The following COL28A1 variants were observed in gnomAD, a reference collection of about 807,000 sequenced individuals.
COL28A1 encodes the protein collagen type XXVIII alpha 1 chain.
A neutral mutation model predicts 150.2 loss-of-function variants in COL28A1; 161 were observed. The observed-to-expected ratio is 1.07, with a 90% CI of 0.94 to 1.22. COL28A1 has a LOEUF of 1.22. Among genes scored for constraint, COL28A1 ranks in the 50% most tolerant of loss-of-function variants. COL28A1 has a pLI of 0.00. For synonymous variants in COL28A1, 552 were observed against 469.7 expected (o/e 1.18, Z -2.26); for missense variants, 1,617 against 1,388.3 (o/e 1.16, Z -2.62).
intron 3 of COL28A1, among the ~76,000 whole-genome samples, chr7:7,525,116 A>T (rs1033533322): frequency 6.6e-6 from 1 of 152,194 alleles, no homozygotes; most frequent in African/African-American, 2.4e-5. Flanking sequence ...AAAAACAAAA[A>T]AACAAATTTA....
intron 3 of COL28A1, among the ~76,000 whole-genome samples, chr7:7,527,149 A>G (rs902619652): frequency 6.6e-6 from 1 of 152,238 alleles, no homozygotes; most frequent in Non-Finnish European, 1.5e-5. Flanking sequence ...GCTGGAATTT[A>G]TATTTCTATG....
Position 7,515,688 on chromosome 7 carries a change from T to G in COL28A1, c.882+126A>C, listed in dbSNP as rs541221363. On this transcript the variant is annotated intron_variant, in intron 8 of 34. Coordinates refer to ENST00000399429, the MANE Select transcript of COL28A1 (RefSeq NM_001037763.3). Reference sequence around the variant, plus strand: ...AGTTCTATTATTATTTTATGTTAACTCAGGAATGAGGGAATCCAGACTTAC... The same window carrying G: ...AGTTCTATTATTATTTTATGTTAACGCAGGAATGAGGGAATCCAGACTTAC... The G allele has an allele frequency of 5.7e-6, 4 of 706,242 alleles. No individual in the cohort carries two copies. In the Admixed American group the frequency reaches 7.1e-5, roughly 12 times the overall value. The allele number at this position is 706,242 out of a possible 1,614,324, so 43.7% of individuals were successfully genotyped here. A position where few individuals can be genotyped will look rare whatever the true frequency, so the allele number is the denominator to read the frequency against.
chr7:7,371,935 C>T (rs938041848), intron 32 of COL28A1, among the ~76,000 whole-genome samples: 3 of 151,954 alleles, frequency 2.0e-5, no homozygotes, highest in Non-Finnish European at 4.4e-5. Flanking sequence ...CAGGTTCCAG[C>T]AATTCTTCCG....
chr7:7,367,657 T>G (rs967295928), intron 33 of COL28A1, among the ~76,000 whole-genome samples: 4 of 152,102 alleles, frequency 2.6e-5, no homozygotes, highest in Admixed American at 1.3e-4. Context: ...TATGTCCTAG[T>G]CTGTTAATGT....
chr7:7,478,323 T>C (rs949535132), intron 13 of COL28A1, among the ~76,000 whole-genome samples: 5 of 148,436 alleles, frequency 3.4e-5, no homozygotes, highest in African/African-American at 1.0e-4. Context: ...AGAGTGCTGA[T>C]TGGTGCATTC....
At chr7:7,407,367 A>G (rs1488125817) in intron 27 of COL28A1, among the ~76,000 whole-genome samples, 1 of 152,080 alleles carries the variant, frequency 6.6e-6, no homozygotes, top group Non-Finnish European at 1.5e-5. Context: ...TAAACAAGAT[A>G]AATAAAAAGC....
At chr7:7,439,226 G>C (rs1785572296) in intron 21 of COL28A1, among the ~76,000 whole-genome samples, 1 of 152,134 alleles carries the variant, frequency 6.6e-6, no homozygotes, top group Admixed American at 6.5e-5. Flanking sequence ...CCGCTGTATT[G>C]ATTAGCCAAT....
chr7:7,423,569 A>T (rs1425703453), intron 25 of COL28A1, among the ~76,000 whole-genome samples: 3 of 151,958 alleles, frequency 2.0e-5, no homozygotes, highest in Non-Finnish European at 4.4e-5. Flanking sequence ...TTTTTTTTTT[A>T]ACATAGGGAT....
the COL28A1 span, among the ~76,000 whole-genome samples, chr7:7,345,999 G>A: frequency 6.6e-6 from 1 of 151,624 alleles, no homozygotes; most frequent in East Asian, 1.9e-4. Context: ...TTATTTTTTT[G>A]GTAGAAGGGT....
rs1780464240 is a variant in COL28A1 at position 7,358,726 on chromosome 7, G to C, written c.3285C>G (p.Asn1095Lys). Residue 1095 changes from asparagine to lysine, a missense_variant, in exon 35 of 35, where the codon AAC becomes AAG. By Grantham distance (94) the Asn-to-Lys change is moderately conservative. Transcript: ENST00000399429. ...CACTGAACCAAAATCGGGCACAAGA[G>C]TTGACCTGTTTGTCATAATACCATC... ...VVRWYYDKQV[N>K]SCARFWFSGC... 1.2e-6 allele frequency: 2 copies of C among 1,613,990 alleles called. No homozygotes were observed. The highest frequency in any genetic ancestry group is 1.7e-5 in the Admixed American group (1 of 60,012).
chr7:7,380,774 C>A lies in COL28A1; in HGVS notation c.2286+8G>T. 1 of 1,613,494 alleles carries A rather than the reference C, an allele frequency of 6.2e-7. No individual in the cohort carries two copies. Among genetic ancestry groups the A allele is most frequent in the Non-Finnish European group, 8.5e-7 (1 of 1,179,508 alleles). On this transcript the variant is annotated splice_region_variant and intron_variant, in intron 29 of 34. Transcript: ENST00000399429. ...TAAAATCACAGTGAGACATTAAAAA[C>A]TACTTGCCTGTTTTCCTGGAGATCC... is the stretch of plus-strand genomic sequence containing the variant.
chr7:7,518,179 G>T (rs1354975102), intron 6 of COL28A1, among the ~76,000 whole-genome samples: 1 of 152,070 alleles, frequency 6.6e-6, no homozygotes, highest in Non-Finnish European at 1.5e-5. Flanking sequence ...AAGGGGCTTT[G>T]GAATGTTTTC....
chr7:7,353,103 C>T (rs1252414182), downstream of COL28A1, among the ~76,000 whole-genome samples: 3 of 152,280 alleles, frequency 2.0e-5, no homozygotes, highest in East Asian at 3.9e-4. Flanking sequence ...GCACTGCCCC[C>T]AACAGATCAT....
rs905879555 is a variant in COL28A1, at chr7:7,524,248, T to C, written c.683A>G (p.Asp228Gly). 5 of 1,362,534 alleles carry C rather than the reference T, an allele frequency of 3.7e-6. No individual in the cohort carries two copies. The highest frequency in any genetic ancestry group is 5.3e-6 in the Non-Finnish European group (5 of 950,914). The allele number at this position is 1,362,534 out of a possible 1,614,324, so 84.4% of individuals were successfully genotyped here. The change falls in exon 4 of 35, where the codon GAT becomes GGT. Residue 228 changes from aspartate (D) to glycine (G), a missense_variant and splice_region_variant. By Grantham distance (94) the Asp-to-Gly change is moderately conservative. Coordinates refer to ENST00000399429, the MANE Select transcript of COL28A1 (RefSeq NM_001037763.3). Reference protein sequence around the residue: ...TLVDKIQDRLDILFEKKCERK... With the variant: ...TLVDKIQDRLGILFEKKCERK... ...GCTTACCTTCTTTTCAAATAAGATA[T>C]CCTACAAGGGAAAAAAGAATGAAGC...
At chr7:7,526,997 T>A (rs1277291162) in intron 3 of COL28A1, among the ~76,000 whole-genome samples, 1 of 152,228 alleles carries the variant, frequency 6.6e-6, no homozygotes, top group Non-Finnish European at 1.5e-5. Flanking sequence ...GTGCCTGATG[T>A]GTAATTTTAT....
chr7:7,474,992 C>T (rs1274935407), intron 14 of COL28A1, among the ~76,000 whole-genome samples: 1 of 152,170 alleles, frequency 6.6e-6, no homozygotes, highest in East Asian at 1.9e-4. Flanking sequence ...CATAGTATAA[C>T]TAACTGGATC....
At chr7:7,476,676 T>G (rs1379388825) in intron 14 of COL28A1, among the ~76,000 whole-genome samples, 1 of 152,210 alleles carries the variant, frequency 6.6e-6, no homozygotes, top group African/African-American at 2.4e-5. Flanking sequence ...TTTCATAACA[T>G]TTTGTTTCTG....
chr7:7,521,234 A>G (rs942433341), intron 5 of COL28A1, among the ~76,000 whole-genome samples: 4 of 152,254 alleles, frequency 2.6e-5, no homozygotes, highest in Non-Finnish European at 5.9e-5. Context: ...AAAAATGCTC[A>G]GCATTTCCAG....
intron 27 of COL28A1, among the ~76,000 whole-genome samples, chr7:7,414,986 T>A (rs1017968143): frequency 1.3e-5 from 2 of 152,242 alleles, no homozygotes; most frequent in African/African-American, 4.8e-5. Flanking sequence ...ATACTAGCAC[T>A]TGGCTTATTT....
Sources: allele counts gnomAD v4.1 joint callset (sites outside exome capture counted in the v4.1 genomes callset), GRCh38; gene constraint gnomAD v4.1.1; transcripts MANE v1.5; gene names NCBI Gene and HGNC (gene_info 2026-07-23, HGNC 2026-07-21).